The following ULK4 variants were observed in gnomAD, a reference collection of about 807,000 sequenced individuals.
ULK4 encodes unc-51 like kinase 4.
In ULK4, 133 loss-of-function variants were observed where a neutral mutation model predicts 160.6. The ratio of observed to expected loss-of-function variants is 0.83; its 90% CI spans 0.72 to 0.96. ULK4 has a LOEUF of 0.96. Ranked by LOEUF, ULK4 falls within the 40% of genes least tolerant of loss-of-function variation. The pLI, the probability that ULK4 is intolerant of heterozygous loss-of-function variation, is 0.00. For synonymous variants in ULK4, 534 were observed against 539.8 expected (o/e 0.99, Z 0.15); for missense variants, 1,580 against 1,499.5 (o/e 1.05, Z -0.89).
At chr3:41,297,524 G>A (rs2079694089) in intron 35 of ULK4, among the ~76,000 whole-genome samples, 1 of 152,158 alleles carries the variant, frequency 6.6e-6, no homozygotes, top group African/African-American at 2.4e-5. Context: ...AGAGGTCTCA[G>A]CCCTGTTATC....
intron 31 of ULK4, among the ~76,000 whole-genome samples, chr3:41,567,443 A>ATTTTTTT (rs71288055): frequency 7.8e-5 from 7 of 90,300 alleles, no homozygotes; most frequent in Admixed American, 1.5e-4. Context: ...CACTTAACAG[A>ATTTTTTT]TTTTTTTTTT....
At chr3:41,454,918 G>C (rs887367375) in intron 34 of ULK4, among the ~76,000 whole-genome samples, 1 of 151,890 alleles carries the variant, frequency 6.6e-6, no homozygotes, top group African/African-American at 2.4e-5. Context: ...GGCTGGTCTC[G>C]AACACCTGAT....
chr3:41,312,039 T>A (rs1311430771), intron 35 of ULK4, among the ~76,000 whole-genome samples: 2 of 151,248 alleles, frequency 1.3e-5, no homozygotes, highest in African/African-American at 2.4e-5. Flanking sequence ...AGTGGCATGA[T>A]TACAGCTCAC....
intron 35 of ULK4, among the ~76,000 whole-genome samples, chr3:41,296,660 G>A (rs546489652): frequency 1.6e-4 from 24 of 152,238 alleles, no homozygotes; most frequent in African/African-American, 5.5e-4. Flanking sequence ...GCCACACCAG[G>A]GGAAGAGCAA....
chr3:41,564,449 C>CTTTTTTT (rs71075476), intron 32 of ULK4, among the ~76,000 whole-genome samples: 5 of 80,930 alleles, frequency 6.2e-5, no homozygotes, highest in East Asian at 4.3e-4. Flanking sequence ...TCTTCTTCTT[C>CTTTTTTT]TTTTTTTTTT....
chr3:41,291,745 G>A (rs377044443), intron 35 of ULK4, among the ~76,000 whole-genome samples: 31 of 152,170 alleles, frequency 2.0e-4, no homozygotes, highest in Middle Eastern at 3.4e-3. Context: ...GGGGTACTGC[G>A]ATGCTGTTTG....
At chr3:41,401,140 T>G (rs2082170579) in intron 34 of ULK4, among the ~76,000 whole-genome samples, 1 of 152,190 alleles carries the variant, frequency 6.6e-6, no homozygotes, top group African/African-American at 2.4e-5. Flanking sequence ...TTAATTTTGA[T>G]GAAGTCCAAT....
At chr3:41,878,481 ACAAT>A (rs753338474) in intron 17 of ULK4, among the ~76,000 whole-genome samples, 5 of 152,216 alleles carry the variant, frequency 3.3e-5, no homozygotes, top group Non-Finnish European at 5.9e-5. Context: ...ATGAAGAGGA[ACAAT>A]CAAGCATTTA....
At chr3:41,454,877 T>C (rs1039851582) in intron 34 of ULK4, among the ~76,000 whole-genome samples, 3 of 151,968 alleles carry the variant, frequency 2.0e-5, no homozygotes, top group Non-Finnish European at 2.9e-5. Flanking sequence ...TTTGTATTTT[T>C]AGTAGAGACG....
chr3:41,638,907 T>C (rs2034066677), intron 30 of ULK4, among the ~76,000 whole-genome samples: 1 of 152,194 alleles, frequency 6.6e-6, no homozygotes, highest in Non-Finnish European at 1.5e-5. Context: ...TATTACTTTA[T>C]TAAGGGAGGA....
intron 9 of ULK4, among the ~76,000 whole-genome samples, chr3:41,912,328 C>CAAAA (rs1223106095): frequency 7.9e-5 from 7 of 88,230 alleles, no homozygotes; most frequent in Non-Finnish European, 7.5e-5. Flanking sequence ...GACGTTGTCT[C>CAAAA]AAAAAAAAAA....
intron 32 of ULK4, among the ~76,000 whole-genome samples, chr3:41,513,208 C>T (rs1310897074): frequency 1.3e-5 from 2 of 152,088 alleles, no homozygotes; most frequent in East Asian, 3.9e-4. Context: ...GAAGATAACA[C>T]CAGAAAAAAC....
At chr3:41,824,904 G>T (rs1183044221) in intron 18 of ULK4, among the ~76,000 whole-genome samples, 1 of 152,208 alleles carries the variant, frequency 6.6e-6, no homozygotes, top group African/African-American at 2.4e-5. Flanking sequence ...GACTAACTGG[G>T]AGGCACCCCC....
chr3:41,795,500 A>G (rs1051318181), intron 20 of ULK4, among the ~76,000 whole-genome samples: 6 of 152,198 alleles, frequency 3.9e-5, no homozygotes, highest in African/African-American at 1.4e-4. Context: ...GGTATCAAAC[A>G]GAGAGAGATA....
chr3:41,264,791 T>G (rs534369926), intron 35 of ULK4, among the ~76,000 whole-genome samples: 13 of 152,176 alleles, frequency 8.5e-5, no homozygotes, highest in Non-Finnish European at 1.6e-4. Flanking sequence ...TAATACATGG[T>G]GGAATTTTTA....
chr3:41,486,369 T>A (rs572953153), intron 32 of ULK4, among the ~76,000 whole-genome samples: 2 of 152,062 alleles, frequency 1.3e-5, no homozygotes, highest in African/African-American at 4.8e-5. Flanking sequence ...TCAATGAACA[T>A]TAAAGTGTGC....
rs1698178937 is a variant in ULK4, at chr3:41,896,908, A to C, written c.1444T>G (p.Ser482Ala). The change falls in exon 15 of 37, where the codon TCC becomes GCC. Residue 482 changes from serine to alanine, a missense_variant. Ser to Ala is a moderately conservative substitution (Grantham distance 99). Coordinates refer to ENST00000301831, the MANE Select transcript of ULK4 (RefSeq NM_017886.4). ...CAAAGGAGATTCAGCTTGGCTCGGG[A>C]GGCCCCCATGCTCTTCTCAGTGGAG... ...IDSTEKSMGA[S>A]RAKLNLLCYL... 3 of 1,613,530 alleles carry C rather than the reference A, an allele frequency of 1.9e-6. No homozygotes were observed. In the East Asian group the frequency reaches 6.7e-5, roughly 36 times the overall value.
At chr3:41,851,503 A>C (rs1334412825) in intron 17 of ULK4, among the ~76,000 whole-genome samples, 1 of 152,190 alleles carries the variant, frequency 6.6e-6, no homozygotes, top group Non-Finnish European at 1.5e-5. Context: ...GGATTTTTGC[A>C]TCGATGTTCA....
chr3:41,741,295 T>C (rs1198528642), intron 22 of ULK4, among the ~76,000 whole-genome samples: 1 of 152,084 alleles, frequency 6.6e-6, no homozygotes, highest in South Asian at 2.1e-4. Context: ...AACGAAATTG[T>C]ATACAAATAC....
Sources: allele counts gnomAD v4.1 joint callset (sites outside exome capture counted in the v4.1 genomes callset), GRCh38; gene constraint gnomAD v4.1.1; transcripts MANE v1.5; gene names NCBI Gene and HGNC (gene_info 2026-07-23, HGNC 2026-07-21).